SLC5A6: variants seen among roughly 807,000 people sequenced by gnomAD.
SLC5A6 encodes sodium-dependent multivitamin transporter.
SLC5A6 carries 31 observed loss-of-function variants against 67.9 expected under a neutral mutation model. The observed-to-expected ratio is 0.46, with a 90% CI of 0.34 to 0.62. The LOEUF (loss-of-function observed/expected upper bound fraction) is 0.62. Ranked by LOEUF, SLC5A6 falls within the 20% of genes least tolerant of loss-of-function variation. The probability of loss-of-function intolerance (pLI) is 0.01; values close to 1 mark genes in which losing one functional copy is unlikely to be tolerated. For missense variants in SLC5A6, 673 were observed against 812.8 expected, an observed-to-expected ratio of 0.83 and a Z score of 2.09; for synonymous variants, 343 against 331.0, an observed-to-expected ratio of 1.04 and a Z score of -0.39.
Position 27,204,801 on chromosome 2 carries a change from C to G in SLC5A6, c.865G>C (p.Ala289Pro), listed in dbSNP as rs765977110. Residue 289 changes from alanine (A) to proline (P), a missense_variant, in exon 8 of 17, where the codon GCT (alanine) becomes CCT (proline). Ala to Pro is a conservative substitution (Grantham distance 27, BLOSUM62 -1). Coordinates refer to ENST00000310574, the MANE Select transcript of SLC5A6 (RefSeq NM_021095.4). ...TGTCCCTGCACTCACAGCACAGCAG[C>G]CTTCTCCGTGCGGGAACTGAGGTAC... is the stretch of plus-strand genomic sequence containing the variant. Reference protein sequence around the residue: ...QRYLSSRTEKAAVLSCYAVFP... With the variant: ...QRYLSSRTEKPAVLSCYAVFP... 1.2e-6 allele frequency: 2 copies of G among 1,614,172 alleles called. No individual in the cohort carries two copies. The highest frequency in any genetic ancestry group is 1.7e-6 in the Non-Finnish European group (2 of 1,180,016).
At chr2:27,203,489 AG>A (rs1413467869) in intron 10 of SLC5A6, 144 bp from the exon 11 acceptor site, 5 of 723,256 alleles carry the variant, frequency 6.9e-6, no homozygotes, top group African/African-American at 5.4e-5. Flanking sequence ...ATGCCACCTC[AG>A]AGCGGGCCTG....
At chr2:27,210,328 T>C (rs539051796) in intron 2 of SLC5A6, among the ~76,000 whole-genome samples, 22 of 152,194 alleles carry the variant, frequency 1.4e-4, no homozygotes, top group Admixed American at 2.6e-4. Flanking sequence ...CCAAACGCTA[T>C]GGTCTCGCAT....
In SLC5A6 at chr2:27,201,767, G is replaced by A. The variant is rs775706600; in HGVS notation, c.1443C>T (p.Ser481=). 15 of 1,614,012 alleles carry A rather than the reference G, an allele frequency of 9.3e-6. No individual in the cohort carries two copies. Among genetic ancestry groups the A allele is most frequent in the Non-Finnish European group, 1.3e-5 (15 of 1,179,980 alleles). The change falls in exon 14 of 17, where the codon TCC becomes TCT. Residue 481 remains serine, a synonymous_variant. Coordinates refer to ENST00000310574, the MANE Select transcript of SLC5A6 (RefSeq NM_021095.4). ...GIGSIVTSMG[S]SMPPSPSNGS... is the part of the protein sequence containing the mutation. ...CATTAGAGGGAGAGGGTGGCATGCT[G>A]GAGCCCATGCTGGTCACGATGCTCC...
At chr2:27,212,556 G>T, upstream of SLC5A6, 1 of 1,492,488 alleles carries the variant, frequency 6.7e-7, no homozygotes, top group Non-Finnish European at 8.9e-7. Context: ...TCTCCTCGGC[G>T]GGCCTGCGGT....
chr2:27,205,595 T>C, intron 6 of SLC5A6, 91 bp from the exon 7 acceptor site: 3 of 1,487,834 alleles, frequency 2.0e-6, no homozygotes, highest in East Asian at 4.5e-5. Flanking sequence ...CATTTTGTTT[T>C]GTTTTGTTTT....
intron 16 of SLC5A6, 120 bp from the exon 17 acceptor site, chr2:27,200,699 G>C (rs1673555705): frequency 2.0e-6 from 2 of 988,984 alleles, no homozygotes; most frequent in Non-Finnish European, 3.0e-6. Flanking sequence ...TCGGGAGGGA[G>C]AGCAGGGGGA....
intron 11 of SLC5A6, 136 bp from the exon 12 acceptor site, chr2:27,203,016 G>A: frequency 6.6e-7 from 1 of 1,515,354 alleles, no homozygotes; most frequent in South Asian, 1.3e-5. Context: ...TCACGCCCCA[G>A]CTTCCTCCCA....
intron 16 of SLC5A6, 25 bp downstream of exon 16, chr2:27,200,973 G>GGGTCACTTGGACAGCAGGTACTACC (rs1407858866): frequency 6.9e-7 from 1 of 1,445,272 alleles, no homozygotes; most frequent in African/African-American, 1.4e-5. Flanking sequence ...GGGCAGGGAG[G>GGGTCACTTGGACAGCAGGTACTACC]GGTCACTTGG....
chr2:27,207,241 C>T lies in SLC5A6; in HGVS notation c.393+17G>A. ...CAACCCGTGTCCCACGCACTTCTCC[C>T]TTCTGTCCCTGCTCACCTCATAGGC... On this transcript the variant is annotated intron_variant, in intron 3 of 16. Coordinates refer to ENST00000310574, the MANE Select transcript of SLC5A6 (RefSeq NM_021095.4). The surrounding 1 kb of genome is among the most constrained non-coding windows in gnomAD (Gnocchi z 5.5). 1 of 1,611,806 alleles carries T rather than the reference C, an allele frequency of 6.2e-7. No individual in the cohort carries two copies. Among genetic ancestry groups the T allele is most frequent in the Non-Finnish European group, 8.5e-7 (1 of 1,178,420 alleles).
chr2:27,212,667 C>T (rs1023500601), upstream of SLC5A6: 3 of 1,379,776 alleles, frequency 2.2e-6, no homozygotes, highest in Non-Finnish European at 1.9e-6. Context: ...TGCCGACTTT[C>T]AAAGACCTGT....
intron 14 of SLC5A6, 40 bp from the exon 15 acceptor site, chr2:27,201,493 G>T: frequency 6.9e-7 from 1 of 1,458,090 alleles, no homozygotes; most frequent in Non-Finnish European, 9.6e-7. Flanking sequence ...CAATTCGTTG[G>T]CAGGGCATTC....
chr2:27,206,897 C>A lies in SLC5A6; in HGVS notation c.439G>T (p.Val147Leu), dbSNP rs1674110855. Residue 147 changes from valine to leucine, a missense_variant, in exon 4 of 17, where the codon GTG becomes TTG. By Grantham distance (32) the Val-to-Leu change is conservative. Coordinates refer to ENST00000310574, the MANE Select transcript of SLC5A6 (RefSeq NM_021095.4). ...FNKTVRVCGT[V>L]TFIFQMVIYM... ...CTTACCATCTGAAAGATGAAGGTCA[C>A]AGTTCCACACACTCGCACAGTTTTA... 1 of 1,613,770 alleles carries A rather than the reference C, an allele frequency of 6.2e-7. No homozygotes were observed. Among genetic ancestry groups the A allele is most frequent in the Non-Finnish European group, 8.5e-7 (1 of 1,179,754 alleles).
intron 15 of SLC5A6, 80 bp from the exon 16 acceptor site, chr2:27,201,193 G>T: frequency 1.8e-6 from 2 of 1,142,526 alleles, no homozygotes; most frequent in Non-Finnish European, 1.3e-6. Context: ...GGCCCCCAGA[G>T]ACCCCAGCCC....
rs775983931 is a variant in SLC5A6 at position 27,212,155 on chromosome 2, G to A, written c.-343C>T. 42 of 1,533,204 alleles carry A rather than the reference G, an allele frequency of 2.7e-5. No individual in the cohort carries two copies. The Middle Eastern group carries it at 6.2e-4, about 23-fold the overall frequency. The allele number at this position is 1,533,204 out of a possible 1,614,324, so 95.0% of individuals were successfully genotyped here. On this transcript the variant is annotated 5_prime_UTR_variant, in exon 1 of 17. Transcript: ENST00000310574. ...GACGGGGGAGGCCTTCACTAAAGGG[G>A]AAAAGGAAGAGGGGGTCGGCCAGTA...
intron 6 of SLC5A6, among the ~76,000 whole-genome samples, 169 bp from the exon 7 acceptor site, chr2:27,205,673 G>C (rs962031371): frequency 6.6e-6 from 1 of 152,180 alleles, no homozygotes; most frequent in Non-Finnish European, 1.5e-5. Context: ...ATAAAAGAGG[G>C]ATGACGAAGG....
At chr2:27,204,432 C>T (rs2580760) in intron 9 of SLC5A6, 29 bp downstream of exon 9, 1 of 1,595,706 alleles carries the variant, frequency 6.3e-7, no homozygotes. Context: ...CAGGCCTGCC[C>T]TCATGGGAAC....
At chr2:27,204,643 G>A (rs940509280) in intron 8 of SLC5A6, 53 bp from the exon 9 acceptor site, 1 of 1,607,146 alleles carries the variant, frequency 6.2e-7, no homozygotes, top group Non-Finnish European at 8.5e-7. Flanking sequence ...GACACCCTCA[G>A]GTGTGTGCCC....
chr2:27,202,173 C>T (rs907964155), intron 12 of SLC5A6, 99 bp from the exon 13 acceptor site: 17 of 840,526 alleles, frequency 2.0e-5, no homozygotes, highest in Non-Finnish European at 3.2e-5. Flanking sequence ...CTTGGAGCCC[C>T]ACTTGTCAGA....
chr2:27,201,408 G>A lies in SLC5A6; in HGVS notation c.1590C>T (p.Tyr530=). ...QRFYSLSYLW[Y]SAHNSTTVIV... is the part of the protein sequence containing the mutation. ...TCACTGTGGTGGAGTTGTGAGCACT[G>A]TACCATAAGTAAGACAAGGAATAGA... The change falls in exon 15 of 17, where the codon TAC becomes TAT. Residue 530 remains tyrosine, a synonymous_variant. Transcript: ENST00000310574. 5 of 1,613,650 alleles carry A rather than the reference G, an allele frequency of 3.1e-6. No individual in the cohort carries two copies. The highest frequency in any genetic ancestry group is 1.7e-4 in the Middle Eastern group (1 of 6,058).
Sources: allele counts gnomAD v4.1 joint callset (sites outside exome capture counted in the v4.1 genomes callset), GRCh38; gene constraint gnomAD v4.1.1; non-coding constraint Gnocchi (gnomAD v3.1); transcripts MANE v1.5; gene names NCBI Gene and HGNC (gene_info 2026-07-23, HGNC 2026-07-21).